SYS1: variants seen among roughly 807,000 people sequenced by gnomAD.
SYS1 encodes the protein SYS1 golgi trafficking protein.
In SYS1, 8 loss-of-function variants were observed where a neutral mutation model predicts 17.8. That is an observed-to-expected ratio of 0.45 (90% CI 0.26 to 0.81). The LOEUF (loss-of-function observed/expected upper bound fraction) is 0.81. SYS1 is among the 40% of genes least tolerant of loss of function. The pLI is 0.16. For missense variants in SYS1, 161 were observed against 203.9 expected (o/e 0.79, Z 1.28); for synonymous variants, 95 against 90.9 (o/e 1.05, Z -0.26).
chr20:45,373,818 C>T, downstream of SYS1: 1 of 1,308,718 alleles, frequency 7.6e-7, no homozygotes, highest in Non-Finnish European at 1.1e-6. Flanking sequence ...CAGGCTCCCT[C>T]TACCGAAGGC....
At chr20:45,374,210 G>C in intron 3 of SYS1, 1 of 679,360 alleles carries the variant, frequency 1.5e-6, no homozygotes, top group Non-Finnish European at 2.7e-6. Flanking sequence ...ATTCTCCCAC[G>C]AAAGGGCTGC....
Position 45,368,263 on chromosome 20 carries a change from C to T in SYS1, c.*1148C>T, listed in dbSNP as rs1487907994. On this transcript the variant is annotated 3_prime_UTR_variant, in exon 4 of 4. Transcript: ENST00000243918. ...CTCCATTTGGTTAAAATACTCAGTG[C>T]AGGGAACTCTTACATCCTGTCTCCT... 1.3e-5 allele frequency: 13 copies of T among 985,326 alleles called. No individual in the cohort carries two copies. Among genetic ancestry groups the T allele is most frequent in the Non-Finnish European group, 1.3e-5 (11 of 829,930 alleles). 61.0% of individuals were successfully genotyped at this position (985,326 alleles called of 1,614,324 possible).
chr20:45,362,600 A>T (rs1291677445), upstream of SYS1, among the ~76,000 whole-genome samples: 1 of 152,152 alleles, frequency 6.6e-6, no homozygotes, highest in Non-Finnish European at 1.5e-5. Context: ...CACCGACCTC[A>T]GGTAATCCGC....
chr20:45,363,539 G>A lies in SYS1; in HGVS notation c.8G>A (p.Gly3Asp). The change falls in exon 2 of 4, where the codon GGT becomes GAT. Residue 3 changes from glycine (G) to aspartate (D), a missense_variant. Gly to Asp is a moderately conservative substitution (Grantham distance 94). Coordinates refer to ENST00000243918, the MANE Select transcript of SYS1 (RefSeq NM_033542.4). ...CTCGTGTCCCTGCAGGGCATGGCGG[G>A]TCAGTTCCGCAGCTACGTGTGGGAC... MA[G>D]QFRSYVWDPL... 6.4e-7 allele frequency: 1 copy of A among 1,560,674 alleles called. No homozygotes were observed. Among genetic ancestry groups the A allele is most frequent in the Non-Finnish European group, 8.7e-7 (1 of 1,153,964 alleles).
chr20:45,373,959 C>G (rs772716540), downstream of SYS1: 1 of 1,614,040 alleles, frequency 6.2e-7, no homozygotes, highest in African/African-American at 1.3e-5. Context: ...CAGCTGATGG[C>G]GCGATCTCCA....
downstream of SYS1, among the ~76,000 whole-genome samples, chr20:45,369,596 CT>C (rs573922300): frequency 0.021 from 2,153 of 102,800 alleles, 11 homozygotes; most frequent in African/African-American, 0.075. Flanking sequence ...CAGAGATTTC[CT>C]TTTTTTTTTT....
downstream of SYS1, among the ~76,000 whole-genome samples, chr20:45,370,966 G>C (rs942827719): frequency 7.2e-5 from 11 of 152,166 alleles, no homozygotes; most frequent in Non-Finnish European, 1.6e-4. Context: ...TTTAATCCCT[G>C]CCCTGCCGCT....
At position 45,363,707 on chromosome 20, in the gene SYS1, A is replaced by T; in HGVS notation, c.162+14A>T. 1 of 1,553,544 alleles carries T rather than the reference A, an allele frequency of 6.4e-7. No homozygotes were observed. Among genetic ancestry groups the T allele is most frequent in the Non-Finnish European group, 8.7e-7 (1 of 1,151,874 alleles). ...TTCGACGCCGAGGTAGGGTCCCCGG[A>T]CTGGGGCGGGTGGGGTCTCGGCCTC... On this transcript the variant is annotated intron_variant, in intron 2 of 3. Transcript: ENST00000243918.
At chr20:45,370,145 G>A (rs1260899376), downstream of SYS1, among the ~76,000 whole-genome samples, 1 of 151,596 alleles carries the variant, frequency 6.6e-6, no homozygotes, top group East Asian at 2.0e-4. Context: ...GGCTGGTCTC[G>A]AACTCTTGGC....
At position 45,367,310 on chromosome 20, in the gene SYS1, C is replaced by T. The variant is rs1988449303; in HGVS notation, c.*195C>T. On this transcript the variant is annotated 3_prime_UTR_variant, in exon 4 of 4. Coordinates refer to ENST00000243918, the MANE Select transcript of SYS1 (RefSeq NM_033542.4). ...AGCATGACAGCTGCAAGAATGACCTCTGTCTGTTGAAGCCTTGGTATCTGA... is the reference window on the plus strand; with the variant it reads ...AGCATGACAGCTGCAAGAATGACCTTTGTCTGTTGAAGCCTTGGTATCTGA... 19 of 1,416,676 alleles carry T rather than the reference C, an allele frequency of 1.3e-5. No homozygotes were observed. Among genetic ancestry groups the T allele is most frequent in the East Asian group, 5.2e-5 (2 of 38,624 alleles). 87.8% of individuals were successfully genotyped at this position (1,416,676 alleles called of 1,614,324 possible). A position where few individuals can be genotyped will look rare whatever the true frequency, so the allele number is the denominator to read the frequency against.
chr20:45,372,802 C>A (rs1033526954), downstream of SYS1: 11 of 152,166 alleles, frequency 7.2e-5, no homozygotes, highest in Non-Finnish European at 1.2e-4. Context: ...AGCTCGGGAG[C>A]ACGCAGCAGC....
exon 4 of SYS1, chr20:45,374,378 C>T (rs1988657106): frequency 3.2e-6 from 2 of 633,554 alleles, no homozygotes; most frequent in African/African-American, 1.8e-5. Context: ...CTTAAGCGAT[C>T]CTCCGACCTC....
At chr20:45,365,497 T>G in intron 2 of SYS1, 122 bp from the exon 3 acceptor site, 1 of 901,226 alleles carries the variant, frequency 1.1e-6, no homozygotes, top group Admixed American at 1.7e-5. Flanking sequence ...GCCGTACAGA[T>G]GTAGGGAGGT....
downstream of SYS1, chr20:45,373,989 G>C: frequency 6.2e-7 from 1 of 1,613,968 alleles, no homozygotes; most frequent in African/African-American, 1.3e-5. Context: ...CGCACCTCTG[G>C]CTCTCGTCCA....
At chr20:45,373,962 G>C, downstream of SYS1, 6 of 1,614,002 alleles carry the variant, frequency 3.7e-6, no homozygotes, top group Non-Finnish European at 5.1e-6. Flanking sequence ...CTGATGGCGC[G>C]ATCTCCACCC....
Position 45,368,668 on chromosome 20 carries a change from GT to G in SYS1, c.*1554del. On this transcript the variant is annotated 3_prime_UTR_variant, in exon 4 of 4. Transcript: ENST00000243918. ...GGGTGAGGCACCTCAGTAACTCATG[GT>G]ACCTTGGCCAAGTTGGAAGGAAGCA... 2 of 985,468 alleles carry G rather than the reference GT, an allele frequency of 2.0e-6. No homozygotes were observed. The allele number at this position is 985,468 out of a possible 1,614,324, so 61.0% of individuals were successfully genotyped here.
chr20:45,363,960 C>T (rs1988315049), intron 2 of SYS1, among the ~76,000 whole-genome samples: 2 of 152,196 alleles, frequency 1.3e-5, no homozygotes, highest in South Asian at 4.1e-4. Context: ...TTCTGATACT[C>T]TGGGAAAGTG....
rs1988283808 is a variant in SYS1 at position 45,363,334 on chromosome 20, A to C, written c.-4+19A>C. 1 of 1,418,906 alleles carries C rather than the reference A, an allele frequency of 7.0e-7. No homozygotes were observed. Among genetic ancestry groups the C allele is most frequent in the Non-Finnish European group, 9.2e-7 (1 of 1,088,648 alleles). The allele number at this position is 1,418,906 out of a possible 1,614,324, so 87.9% of individuals were successfully genotyped here. A position where few individuals can be genotyped will look rare whatever the true frequency, so the allele number is the denominator to read the frequency against. On this transcript the variant is annotated intron_variant, in intron 1 of 3. Transcript: ENST00000243918. ...GTCACTGGTGAGTAGACCCCAGAGG[A>C]GCTCGTGTACGGGCGGGGGCCGCGC...
chr20:45,368,090 G>T lies in SYS1; in HGVS notation c.*975G>T. 1 of 985,450 alleles carries T rather than the reference G, an allele frequency of 1.0e-6. No homozygotes were observed. Among genetic ancestry groups the T allele is most frequent in the Non-Finnish European group, 1.2e-6 (1 of 829,956 alleles). The allele number at this position is 985,450 out of a possible 1,614,324, so 61.0% of individuals were successfully genotyped here. ...AGGGGCTTGCAGCTATCCTTCCTGTGTATACAAATACAGTATTTTCCATGG... is the reference window on the plus strand; with the variant it reads ...AGGGGCTTGCAGCTATCCTTCCTGTTTATACAAATACAGTATTTTCCATGG... On this transcript the variant is annotated 3_prime_UTR_variant, in exon 4 of 4. Coordinates refer to ENST00000243918, the MANE Select transcript of SYS1 (RefSeq NM_033542.4).
Sources: allele counts gnomAD v4.1 joint callset (sites outside exome capture counted in the v4.1 genomes callset), GRCh38; gene constraint gnomAD v4.1.1; transcripts MANE v1.5; gene names NCBI Gene and HGNC (gene_info 2026-07-23, HGNC 2026-07-21).